Variants in MYO5A observed in about 807,000 individuals in gnomAD.
The protein encoded by MYO5A is myosin VA.
Under a neutral mutation model 249.7 loss-of-function variants are expected in MYO5A, and 98 were observed. That is an observed-to-expected ratio of 0.39 (90% CI 0.33 to 0.46). The LOEUF (loss-of-function observed/expected upper bound fraction) is 0.46, where lower values mean the gene tolerates loss of function less well. MYO5A is among the 20% of genes least tolerant of loss of function. MYO5A has a pLI of 0.98. For missense variants in MYO5A, 1,696 were observed against 2,308.8 expected, an observed-to-expected ratio of 0.73 and a Z score of 5.44; for synonymous variants, 778 against 810.6, an observed-to-expected ratio of 0.96 and a Z score of 0.68.
chr15:52,383,069 T>C lies in MYO5A; in HGVS notation c.2012+22A>G, dbSNP rs746108371. ...TCTTATAAGATATGTACTTTTTCAC[T>C]GGGTGGTTCAGAAATACTTACGTGA... is the stretch of plus-strand genomic sequence containing the variant. On this transcript the variant is annotated intron_variant, in intron 16 of 41. Transcript: ENST00000399233. 33 of 1,566,746 alleles carry C rather than the reference T, an allele frequency of 2.1e-5. 1 individual carries two copies. The South Asian group carries it at 3.6e-4, about 17-fold the overall frequency.
chr15:52,326,071 T>G (rs2038589346), intron 36 of MYO5A, among the ~76,000 whole-genome samples: 1 of 152,254 alleles, frequency 6.6e-6, no homozygotes, highest in African/African-American at 2.4e-5. Flanking sequence ...GTTATGCTGC[T>G]TAGGGCCGAT....
At position 52,346,443 on chromosome 15, in the gene MYO5A, T is replaced by G. The variant is rs2039631746; in HGVS notation, c.3877A>C (p.Thr1293Pro). The G allele has an allele frequency of 1.3e-6, 2 of 1,596,998 alleles. No individual in the cohort carries two copies. Among genetic ancestry groups the G allele is most frequent in the Non-Finnish European group, 1.7e-6 (2 of 1,164,952 alleles). The change falls in exon 30 of 42, where the codon ACA (threonine) becomes CCA (proline). Residue 1293 changes from threonine to proline, a missense_variant. Coordinates refer to ENST00000399233, the MANE Select transcript of MYO5A (RefSeq NM_001382347.1). ...TTTTGTACATCTTCCAAAAGTATTG[T>G]GGAATCTGTCATTGTATTCTGAGAG... ...KDDKNTMTDS[T>P]ILLEDVQKMK...
chr15:52,444,147 T>C (rs954373723), intron 1 of MYO5A, among the ~76,000 whole-genome samples: 1 of 152,242 alleles, frequency 6.6e-6, no homozygotes, highest in Non-Finnish European at 1.5e-5. Context: ...TTATGTGAGA[T>C]GACAGAGCTT....
chr15:52,414,752 TC>T (rs1204157930), intron 5 of MYO5A, among the ~76,000 whole-genome samples: 1 of 152,202 alleles, frequency 6.6e-6, no homozygotes, highest in Non-Finnish European at 1.5e-5. Flanking sequence ...CCTGTTGTTT[TC>T]TGACCCCAAA....
At chr15:52,434,231 C>G (rs1192233395) in intron 1 of MYO5A, among the ~76,000 whole-genome samples, 1 of 151,962 alleles carries the variant, frequency 6.6e-6, no homozygotes, top group Non-Finnish European at 1.5e-5. Context: ...AACCCCTGAC[C>G]TCGTGACCCA....
intron 1 of MYO5A, among the ~76,000 whole-genome samples, chr15:52,501,876 TACAC>T (rs10552352): frequency 0.047 from 6,558 of 140,188 alleles, 337 homozygotes; most frequent in African/African-American, 0.13. Flanking sequence ...ATACATATAC[TACAC>T]ACACACACAC....
chr15:52,481,674 A>C (rs2076717663), intron 1 of MYO5A, among the ~76,000 whole-genome samples: 3 of 152,234 alleles, frequency 2.0e-5, no homozygotes, highest in Admixed American at 2.0e-4. Flanking sequence ...AAATGAACAA[A>C]TTCATGTTCC....
intron 22 of MYO5A, among the ~76,000 whole-genome samples, chr15:52,369,602 T>C (rs558199248): frequency 6.6e-6 from 1 of 152,310 alleles, no homozygotes; most frequent in Admixed American, 6.5e-5. Context: ...TGCTTGGACT[T>C]CTTAATACAG....
At chr15:52,489,685 A>C (rs1185824410) in intron 1 of MYO5A, among the ~76,000 whole-genome samples, 1 of 152,062 alleles carries the variant, frequency 6.6e-6, no homozygotes, top group Non-Finnish European at 1.5e-5. Flanking sequence ...TCATACCCAG[A>C]ATATATAAAG....
At chr15:52,391,302 A>T (rs2042224461) in intron 12 of MYO5A, among the ~76,000 whole-genome samples, 1 of 152,182 alleles carries the variant, frequency 6.6e-6, no homozygotes, top group Non-Finnish European at 1.5e-5. Flanking sequence ...ATCTCAAGTG[A>T]GGCTGAGAAC....
intron 5 of MYO5A, 47 bp from the exon 6 acceptor site, chr15:52,410,523 C>G: frequency 6.5e-7 from 1 of 1,546,368 alleles, no homozygotes; most frequent in South Asian, 1.1e-5. Flanking sequence ...TAATTCATAA[C>G]ATGACATTTA....
intron 1 of MYO5A, among the ~76,000 whole-genome samples, chr15:52,525,924 C>T (rs964980129): frequency 6.6e-6 from 1 of 152,092 alleles, no homozygotes; most frequent in Non-Finnish European, 1.5e-5. Context: ...AGACTATGAG[C>T]GTGTTGAGGG....
chr15:52,394,823 AAC>A (rs1346623095), intron 11 of MYO5A, among the ~76,000 whole-genome samples: 2 of 152,232 alleles, frequency 1.3e-5, no homozygotes, highest in African/African-American at 4.8e-5. Flanking sequence ...GAAACTCAGG[AAC>A]ACCTTGAGAA....
rs527372564 is a variant in MYO5A at position 52,319,317 on chromosome 15, C to T, written c.4977G>A (p.Thr1659=). 9.9e-6 allele frequency: 16 copies of T among 1,614,174 alleles called. No homozygotes were observed. The highest frequency in any genetic ancestry group is 5.3e-5 in the African/African-American group (4 of 75,044). The change falls in exon 39 of 42, where the codon ACG becomes ACA. Residue 1659 remains threonine (T), a synonymous_variant. Coordinates refer to ENST00000399233, the MANE Select transcript of MYO5A (RefSeq NM_001382347.1). ...MIVSGMLEHE[T]IQGVSGVKPT... ...GCTTCACCCCAGACACGCCCTGAAT[C>T]GTTTCATGTTCCAGCATGCCTGAGA...
chr15:52,453,242 G>A (rs576552395), intron 1 of MYO5A, among the ~76,000 whole-genome samples: 9 of 152,198 alleles, frequency 5.9e-5, no homozygotes, highest in East Asian at 1.9e-4. Context: ...CCTCTCAAGC[G>A]AAAGTATATG....
intron 24 of MYO5A, among the ~76,000 whole-genome samples, chr15:52,362,618 G>A (rs1203588190): frequency 2.0e-5 from 3 of 152,092 alleles, no homozygotes; most frequent in African/African-American, 7.2e-5. Flanking sequence ...TGACCATTTT[G>A]TCTCCCAAGA....
At chr15:52,417,221 A>C (rs553762589) in intron 4 of MYO5A, among the ~76,000 whole-genome samples, 278 of 152,354 alleles carry the variant, frequency 1.8e-3, no homozygotes, top group South Asian at 0.016. Flanking sequence ...TATGTGTACA[A>C]ATCTCAAACA....
intron 1 of MYO5A, among the ~76,000 whole-genome samples, chr15:52,485,853 G>A (rs114097294): frequency 0.012 from 1,896 of 152,190 alleles, 41 homozygotes; most frequent in African/African-American, 0.043. Flanking sequence ...AAACGTATTT[G>A]TCAGTTCAAA....
chr15:52,378,420 C>G (rs901385226), intron 18 of MYO5A, among the ~76,000 whole-genome samples: 1 of 148,112 alleles, frequency 6.8e-6, no homozygotes, highest in Admixed American at 6.8e-5. Flanking sequence ...ACTGGGGGGG[C>G]TGAGGTAGGA....
Sources: allele counts gnomAD v4.1 joint callset (sites outside exome capture counted in the v4.1 genomes callset), GRCh38; gene constraint gnomAD v4.1.1; transcripts MANE v1.5; gene names NCBI Gene and HGNC (gene_info 2026-07-23, HGNC 2026-07-21).